VPS53: variants seen among roughly 807,000 people sequenced by gnomAD.
VPS53 encodes VPS53 subunit of GARP complex.
VPS53 carries 70 observed loss-of-function variants against 107.0 expected under a neutral mutation model. That is an observed-to-expected ratio of 0.65 (90% CI 0.54 to 0.80). The LOEUF (loss-of-function observed/expected upper bound fraction) is 0.80. Among genes scored for constraint, VPS53 ranks in the 30% least tolerant of loss-of-function variants. The probability of loss-of-function intolerance (pLI) is 0.00; values close to 1 mark genes in which losing one functional copy is unlikely to be tolerated. For synonymous variants in VPS53, 409 were observed against 393.3 expected, an observed-to-expected ratio of 1.04 and a Z score of -0.47; for missense variants, 917 against 1,049.4, an observed-to-expected ratio of 0.87 and a Z score of 1.74.
intron 2 of VPS53, among the ~76,000 whole-genome samples, chr17:709,141 C>T (rs758309920): frequency 4.6e-5 from 7 of 152,086 alleles, no homozygotes; most frequent in Admixed American, 1.3e-4. Context: ...AAGGACCCTC[C>T]GCAGCACGCT....
intron 13 of VPS53, among the ~76,000 whole-genome samples, chr17:569,358 C>G (rs1913833087): frequency 6.6e-6 from 1 of 152,164 alleles, no homozygotes; most frequent in African/African-American, 2.4e-5. Flanking sequence ...TTTGACAACT[C>G]TGCTGTGGTT....
chr17:658,378 T>C (rs1384833347), intron 5 of VPS53, among the ~76,000 whole-genome samples: 1 of 114,812 alleles, frequency 8.7e-6, no homozygotes, highest in African/African-American at 3.4e-5. Context: ...AACTCGGCCG[T>C]GAGTTCGTGG....
chr17:645,996 T>C (rs1970681142), intron 7 of VPS53, among the ~76,000 whole-genome samples: 1 of 133,124 alleles, frequency 7.5e-6, no homozygotes, highest in African/African-American at 2.6e-5. Context: ...TTATCTTTTC[T>C]AATCCATATC....
chr17:633,107 G>A (rs1970029585), intron 7 of VPS53, among the ~76,000 whole-genome samples: 1 of 152,312 alleles, frequency 6.6e-6, no homozygotes, highest in South Asian at 2.1e-4. Context: ...GTACTTGAAT[G>A]CAAGGGCAGA....
At position 661,317 on chromosome 17, in the gene VPS53, T is replaced by C. The variant is rs111521852; in HGVS notation, c.372+492A>G. On this transcript the variant is annotated intron_variant, in intron 5 of 21. Coordinates refer to ENST00000437048, the MANE Select transcript of VPS53 (RefSeq NM_001128159.3). ...CGGGCGGATCATGAGGTCAAGAGATTGAGACCATCCTGGCCAACATGGTGA... is the reference window on the plus strand; with the variant it reads ...CGGGCGGATCATGAGGTCAAGAGATCGAGACCATCCTGGCCAACATGGTGA... 9.9e-3 allele frequency among the ~76,000 whole-genome samples: 1,505 copies of C among 151,560 alleles called. 25 individuals are homozygous for C. The highest frequency in any genetic ancestry group is 0.034 in the African/African-American group (1,408 of 41,348).
intron 7 of VPS53, among the ~76,000 whole-genome samples, chr17:632,025 G>A (rs78360169): frequency 0.016 from 2,367 of 152,294 alleles, 24 homozygotes; most frequent in Middle Eastern, 0.031. Context: ...ACGTGAGAGG[G>A]TCGCTTGAGA....
intron 11 of VPS53, among the ~76,000 whole-genome samples, chr17:614,250 T>C (rs1387338688): frequency 1.3e-5 from 2 of 152,208 alleles, no homozygotes; most frequent in Non-Finnish European, 2.9e-5. Context: ...CTTTAAACGA[T>C]AAATTTCATG....
intron 1 of VPS53, among the ~76,000 whole-genome samples, chr17:712,237 G>A (rs1973672163): frequency 7.0e-6 from 1 of 142,582 alleles, no homozygotes; most frequent in Non-Finnish European, 1.5e-5. Flanking sequence ...CTGGAAGGCA[G>A]TGGCACCATC....
rs774761110 is a variant in VPS53, at chr17:714,632, G to A, written c.78C>T (p.Ala26=). Residue 26 remains alanine (A), a synonymous_variant, in exon 1 of 22, where the codon GCC becomes GCT. Transcript: ENST00000437048. ...VLQLTPEVQL[A]IEQVFPSQDP... ...GGGGCGGAACGCTTACCTGCTCGAT[G>A]GCCAGCTGCACCTCGGGCGTGAGCT... 2 of 1,611,738 alleles carry A rather than the reference G, an allele frequency of 1.2e-6. No homozygotes were observed. Among genetic ancestry groups the A allele is most frequent in the East Asian group, 2.2e-5 (1 of 44,648 alleles).
At chr17:679,428 C>T (rs962897598) in intron 4 of VPS53, among the ~76,000 whole-genome samples, 8 of 152,018 alleles carry the variant, frequency 5.3e-5, no homozygotes, top group South Asian at 2.1e-4. Flanking sequence ...GCGGGAGAAT[C>T]GCTTGAACCC....
chr17:686,422 G>A (rs1213303776), intron 4 of VPS53, among the ~76,000 whole-genome samples: 7 of 152,198 alleles, frequency 4.6e-5, no homozygotes, highest in Admixed American at 3.9e-4. Flanking sequence ...AATAAATTCT[G>A]TTGTCAAGTG....
At chr17:651,027 A>T (rs1438216748) in intron 7 of VPS53, among the ~76,000 whole-genome samples, 1 of 152,258 alleles carries the variant, frequency 6.6e-6, no homozygotes, top group Non-Finnish European at 1.5e-5. Flanking sequence ...GAAACTATAG[A>T]TTTATATAAA....
chr17:658,255 T>TACATCCCACTGAAGTGAG (rs1567715525), intron 5 of VPS53, among the ~76,000 whole-genome samples: 3 of 45,708 alleles, frequency 6.6e-5, no homozygotes, highest in South Asian at 8.9e-4. Flanking sequence ...CGTGGATAGA[T>TACATCCCACTGAAGTGAG]AACATCCCAC....
intron 2 of VPS53, among the ~76,000 whole-genome samples, chr17:708,109 G>A (rs1973488435): frequency 6.6e-6 from 1 of 152,176 alleles, no homozygotes; most frequent in Admixed American, 6.5e-5. Flanking sequence ...GTGCGGAGAC[G>A]AGAGATTGTA....
intron 13 of VPS53, among the ~76,000 whole-genome samples, chr17:566,366 T>C (rs1455115460): frequency 2.0e-5 from 3 of 152,172 alleles, no homozygotes; most frequent in African/African-American, 4.8e-5. Context: ...TCAACTGAAG[T>C]TGGTACAAAA....
chr17:598,488 C>G (rs1357166781), intron 12 of VPS53, among the ~76,000 whole-genome samples: 10 of 151,652 alleles, frequency 6.6e-5, no homozygotes, highest in African/African-American at 2.4e-4. Context: ...GCGTCTCCGC[C>G]CGGCCGCCAT....
At chr17:632,821 A>T (rs1567692793) in intron 7 of VPS53, 1 of 455,926 alleles carries the variant, frequency 2.2e-6, no homozygotes, top group South Asian at 1.6e-5. Flanking sequence ...CAATCCATGC[A>T]GCTGCAGTGT....
chr17:526,809 G>A (rs1026074785), intron 19 of VPS53, among the ~76,000 whole-genome samples: 1 of 152,194 alleles, frequency 6.6e-6, no homozygotes, highest in African/African-American at 2.4e-5. Context: ...TTTACTTCCC[G>A]AGGAGCCTCC....
rs552633493 is a variant in VPS53, at chr17:510,751, T to A, written c.*8377A>T. 1 of 152,824 alleles carries A rather than the reference T, an allele frequency of 6.5e-6. No individual in the cohort carries two copies. Among genetic ancestry groups the A allele is most frequent in the African/African-American group, 2.4e-5 (1 of 41,468 alleles). The allele number at this position is 152,824 out of a possible 1,614,324, so 9.5% of individuals were successfully genotyped here. On this transcript the variant is annotated 3_prime_UTR_variant, in exon 22 of 22. Transcript: ENST00000437048. ...CCCTCTCATGACCTAAGATACCACATGCAGGCCACACAGCAGCTGGACTGT... is the reference window on the plus strand; with the variant it reads ...CCCTCTCATGACCTAAGATACCACAAGCAGGCCACACAGCAGCTGGACTGT...
Sources: allele counts gnomAD v4.1 joint callset (sites outside exome capture counted in the v4.1 genomes callset), GRCh38; gene constraint gnomAD v4.1.1; transcripts MANE v1.5; gene names NCBI Gene and HGNC (gene_info 2026-07-23, HGNC 2026-07-21).